Variants in HS1BP3 observed in about 807,000 individuals in gnomAD.
HS1BP3 encodes HCLS1-binding protein 3.
A neutral mutation model predicts 33.5 loss-of-function variants in HS1BP3; 32 were observed. That is an observed-to-expected ratio of 0.95 (90% CI 0.72 to 1.28). The LOEUF is 1.28. HS1BP3 is among the 50% of genes most tolerant of loss of function. The pLI is 0.00. For missense variants in HS1BP3, 486 were observed against 502.3 expected (o/e 0.97, Z 0.31); for synonymous variants, 187 against 209.2 (o/e 0.89, Z 0.92).
chr2:20,617,485 T>C (rs991225814), downstream of HS1BP3, among the ~76,000 whole-genome samples: 7 of 152,154 alleles, frequency 4.6e-5, no homozygotes, highest in East Asian at 7.7e-4. Context: ...GAGGGGAAGC[T>C]GCTCAGGACA....
At chr2:20,590,229 C>T (rs13431026), downstream of HS1BP3, among the ~76,000 whole-genome samples, 8,786 of 152,184 alleles carry the variant, frequency 0.058, 253 homozygotes, top group South Asian at 0.071. Flanking sequence ...GGTGCAGCCA[C>T]GGCTCCAGAC....
chr2:20,562,008 A>G (rs1423017601), intron 5 of HS1BP3, among the ~76,000 whole-genome samples: 1 of 152,232 alleles, frequency 6.6e-6, no homozygotes, highest in Admixed American at 6.5e-5. Context: ...TAAAGCCTCC[A>G]TAAAAACCCC....
chr2:20,598,425 C>T (rs1326761918), intron 2 of HS1BP3, among the ~76,000 whole-genome samples: 1 of 151,988 alleles, frequency 6.6e-6, no homozygotes. Context: ...AGGTGAAGCT[C>T]AGGCAGTAGT....
intron 3 of HS1BP3, 57 bp from the exon 4 acceptor site, chr2:20,638,709 C>A: frequency 7.4e-7 from 1 of 1,359,622 alleles, no homozygotes; most frequent in African/African-American, 1.4e-5. Flanking sequence ...CCAGGGGAGG[C>A]ATCTTGCCAC....
Position 20,641,041 on chromosome 2 carries a change from T to C in HS1BP3, c.338A>G (p.Asn113Ser), listed in dbSNP as rs376248399. The change falls in exon 3 of 7, where the codon AAT becomes AGT. Residue 113 changes from asparagine to serine, a missense_variant. By Grantham distance (46) the Asn-to-Ser change is conservative. Transcript: ENST00000304031. ...SDIRERRAVF[N>S]EILRCVSKDA... ...CTTGGAGACACAGCGCAGGATCTCA[T>C]TGAACACGGCTCTCCTCTCCCGGAT... 926 of 1,614,158 alleles carry C rather than the reference T, an allele frequency of 5.7e-4. 15 individuals carry two copies. In the South Asian group the frequency reaches 9.3e-3, roughly 16 times the overall value.
chr2:20,576,448 C>T (rs559964993), intron 5 of HS1BP3, among the ~76,000 whole-genome samples: 2 of 152,342 alleles, frequency 1.3e-5, no homozygotes, highest in South Asian at 2.1e-4. Context: ...GCTCAGGCGT[C>T]CCGTTTTCCA....
downstream of HS1BP3, among the ~76,000 whole-genome samples, chr2:20,615,423 G>C (rs932884847): frequency 3.9e-5 from 6 of 152,360 alleles, no homozygotes; most frequent in Non-Finnish European, 8.8e-5. Flanking sequence ...CAACTGCAAG[G>C]CCTTAGGGTG....
intron 6 of HS1BP3, chr2:20,622,993 C>T (rs1039465604): frequency 4.6e-5 from 7 of 152,890 alleles, no homozygotes; most frequent in Non-Finnish European, 8.7e-5. Context: ...CTTGGTGTCA[C>T]ATAAGCCGTT....
chr2:20,578,018 C>T lies in HS1BP3; in HGVS notation c.303-17503G>A, dbSNP rs185384697. Among the ~76,000 whole-genome samples, 1,198 of 152,346 alleles carry T rather than the reference C, an allele frequency of 7.9e-3. 12 individuals carry two copies. Among genetic ancestry groups the T allele is most frequent in the Non-Finnish European group, 0.012 (787 of 68,032 alleles). On this transcript the variant is annotated intron_variant, in intron 5 of 5. Coordinates refer to the HS1BP3 transcript ENST00000446825. ...GCCAGGGGCCATGGATCTGCAAAGA[C>T]TGAGTAACGTGCCTGATGTCTCATC...
intron 5 of HS1BP3, among the ~76,000 whole-genome samples, chr2:20,584,498 G>A (rs75488377): frequency 1.3e-5 from 2 of 152,288 alleles, no homozygotes; most frequent in South Asian, 2.1e-4. Flanking sequence ...ACCATCCCCC[G>A]CCAACTGCAT....
intron 1 of HS1BP3, among the ~76,000 whole-genome samples, chr2:20,647,564 T>A (rs895263236): frequency 5.3e-5 from 8 of 152,182 alleles, no homozygotes; most frequent in African/African-American, 1.7e-4. Context: ...AAGAAAGGCA[T>A]GTTCGGGCCT....
rs1210901305 is a variant in HS1BP3, at chr2:20,611,533, T to C, written c.178+12363A>G. Among the ~76,000 whole-genome samples, 1 of 152,196 alleles carries C rather than the reference T, an allele frequency of 6.6e-6. No homozygotes were observed. Among genetic ancestry groups the C allele is most frequent in the Non-Finnish European group, 1.5e-5 (1 of 68,024 alleles). ...CTCCATGGTGCTGGGAGAGCTGTTG[T>C]TGCTCTGAGTGTGGGGTGAGCTGGA... On this transcript the variant is annotated intron_variant, in intron 2 of 3. Coordinates refer to the HS1BP3 transcript ENST00000415264. This position sits in a 1 kb window ranked among gnomAD's most constrained non-coding sequence, Gnocchi z 4.9.
downstream of HS1BP3, among the ~76,000 whole-genome samples, chr2:20,558,855 G>A (rs1243845346): frequency 6.6e-6 from 1 of 152,204 alleles, no homozygotes; most frequent in Non-Finnish European, 1.5e-5. Flanking sequence ...GGGCCTGGCT[G>A]GGTGGGCGCT....
chr2:20,600,276 A>G (rs961828735), intron 2 of HS1BP3, among the ~76,000 whole-genome samples: 10 of 152,340 alleles, frequency 6.6e-5, no homozygotes, highest in African/African-American at 2.4e-4. Context: ...CAACAGCTCA[A>G]TAGGGTCCCA....
chr2:20,585,687 A>G (rs966706649), intron 5 of HS1BP3, among the ~76,000 whole-genome samples: 3 of 152,230 alleles, frequency 2.0e-5, no homozygotes, highest in African/African-American at 7.2e-5. Flanking sequence ...CTAGAAAAAT[A>G]ACCATTAACG....
chr2:20,629,308 C>T (rs1461712217), intron 4 of HS1BP3, among the ~76,000 whole-genome samples: 1 of 152,174 alleles, frequency 6.6e-6, no homozygotes, highest in Non-Finnish European at 1.5e-5. Context: ...CCTCCCTGGT[C>T]CTCCTCCTCC....
intron 4 of HS1BP3, among the ~76,000 whole-genome samples, chr2:20,634,227 C>T (rs1695053422): frequency 6.6e-6 from 1 of 152,270 alleles, no homozygotes; most frequent in African/African-American, 2.4e-5. Context: ...CCACTCTCCA[C>T]ACCTGTTTCC....
chr2:20,588,798 G>GGACAT (rs1693742655), downstream of HS1BP3, among the ~76,000 whole-genome samples: 1 of 152,226 alleles, frequency 6.6e-6, no homozygotes, highest in Non-Finnish European at 1.5e-5. Flanking sequence ...CGAAGGCACA[G>GGACAT]GACATCTCTA....
intron 6 of HS1BP3, chr2:20,622,521 C>G: frequency 2.9e-6 from 1 of 350,028 alleles, no homozygotes; most frequent in South Asian, 2.2e-5. Flanking sequence ...GCACTACGAG[C>G]CCTGCTTTTT....
Sources: allele counts gnomAD v4.1 joint callset (sites outside exome capture counted in the v4.1 genomes callset), GRCh38; gene constraint gnomAD v4.1.1; non-coding constraint Gnocchi (gnomAD v3.1); transcripts MANE v1.5; gene names NCBI Gene and HGNC (gene_info 2026-07-23, HGNC 2026-07-21).